Variants in AKAP6 observed in about 807,000 individuals in gnomAD.
AKAP6 encodes A-kinase anchoring protein 6.
AKAP6 carries 58 observed loss-of-function variants against 188.5 expected under a neutral mutation model. That is an observed-to-expected ratio of 0.31 (90% CI 0.25 to 0.38). AKAP6 has a LOEUF of 0.38. Among genes scored for constraint, AKAP6 ranks in the 10% least tolerant of loss-of-function variants. The pLI is 1.00. For missense variants in AKAP6, 2,710 were observed against 2,740.0 expected (o/e 0.99, Z 0.24); for synonymous variants, 989 against 998.6 (o/e 0.99, Z 0.18).
chr14:32,721,677 A>G (rs1180328545), intron 9 of AKAP6, among the ~76,000 whole-genome samples: 1 of 152,102 alleles, frequency 6.6e-6, no homozygotes, highest in Non-Finnish European at 1.5e-5. Flanking sequence ...TCTTTGCTCC[A>G]TTGTTGTTCT....
intron 7 of AKAP6, among the ~76,000 whole-genome samples, chr14:32,609,650 A>T (rs927633950): frequency 3.3e-5 from 5 of 152,146 alleles, no homozygotes; most frequent in Admixed American, 2.0e-4. Flanking sequence ...AGAGGGAAAA[A>T]AGGAAGCCTA....
At chr14:32,757,007 G>T (rs952400354) in intron 11 of AKAP6, among the ~76,000 whole-genome samples, 1 of 152,084 alleles carries the variant, frequency 6.6e-6, no homozygotes, top group Non-Finnish European at 1.5e-5. Context: ...TGGTGCCTGG[G>T]GTTGTAGGGG....
At chr14:32,426,626 T>G (rs530351578) in intron 1 of AKAP6, among the ~76,000 whole-genome samples, 1 of 152,278 alleles carries the variant, frequency 6.6e-6, no homozygotes, top group East Asian at 1.9e-4. Context: ...TTTTAGCAAC[T>G]TGGGATGAGG....
intron 4 of AKAP6, among the ~76,000 whole-genome samples, chr14:32,569,181 C>A (rs1346838648): frequency 6.6e-6 from 1 of 152,104 alleles, no homozygotes; most frequent in Non-Finnish European, 1.5e-5. Flanking sequence ...CCATTCCATG[C>A]CATTTTGCTC....
intron 1 of AKAP6, among the ~76,000 whole-genome samples, chr14:32,359,141 A>T (rs1421129973): frequency 6.6e-6 from 1 of 152,198 alleles, no homozygotes; most frequent in Non-Finnish European, 1.5e-5. Flanking sequence ...AACAACTCTA[A>T]AATAAAGTAG....
intron 13 of AKAP6, among the ~76,000 whole-genome samples, chr14:32,829,546 A>C (rs897684222): frequency 1.3e-5 from 2 of 152,164 alleles, no homozygotes; most frequent in Non-Finnish European, 2.9e-5. Context: ...CACAGGCAAA[A>C]GAGTGGATGA....
rs563670986 is a variant in AKAP6 at position 32,685,172 on chromosome 14, G to A, written c.2879+6713G>A. On this transcript the variant is annotated intron_variant, in intron 8 of 13. Coordinates refer to ENST00000280979, the MANE Select transcript of AKAP6 (RefSeq NM_004274.5). ...CCAGCCACCTAGGAGGTTGAGGCAG[G>A]AGGATTGCTTGAGCCCAGGAGGTTG... Among the ~76,000 whole-genome samples, 17 of 152,270 alleles carry A rather than the reference G, an allele frequency of 1.1e-4. No homozygotes were observed. In the East Asian group the frequency reaches 3.3e-3, roughly 29 times the overall value.
At chr14:32,578,602 A>G (rs76530024) in intron 5 of AKAP6, among the ~76,000 whole-genome samples, 1,677 of 152,308 alleles carry the variant, frequency 0.011, 38 homozygotes, top group African/African-American at 0.039. Flanking sequence ...TCAACTTTTC[A>G]CTGGCATTGT....
At chr14:32,573,580 AC>A (rs1884587463) in intron 4 of AKAP6, among the ~76,000 whole-genome samples, 1 of 152,184 alleles carries the variant, frequency 6.6e-6, no homozygotes, top group Non-Finnish European at 1.5e-5. Context: ...AATTTTTGCC[AC>A]AATGATATTT....
chr14:32,355,283 G>A (rs1405434621), intron 1 of AKAP6, among the ~76,000 whole-genome samples: 1 of 152,066 alleles, frequency 6.6e-6, no homozygotes, highest in Non-Finnish European at 1.5e-5. Context: ...GAAATTTTCT[G>A]TTGTTGTATG....
intron 2 of AKAP6, among the ~76,000 whole-genome samples, chr14:32,529,380 T>A (rs577547919): frequency 6.6e-6 from 1 of 152,324 alleles, no homozygotes; most frequent in Non-Finnish European, 1.5e-5. Context: ...TTTTCCATCC[T>A]GTCAGATTTT....
chr14:32,494,361 G>C (rs1256340305), intron 2 of AKAP6: 1 of 152,158 alleles, frequency 6.6e-6, no homozygotes, highest in African/African-American at 2.4e-5. Context: ...TGCTGGCATG[G>C]AGGAACTCAC....
chr14:32,528,885 C>T (rs1460022748), intron 2 of AKAP6, among the ~76,000 whole-genome samples: 3 of 152,046 alleles, frequency 2.0e-5, no homozygotes, highest in Non-Finnish European at 2.9e-5. Flanking sequence ...ACCATGTTGG[C>T]CAGGCTTGTC....
At chr14:32,662,097 A>G in intron 7 of AKAP6, among the ~76,000 whole-genome samples, 1 of 152,128 alleles carries the variant, frequency 6.6e-6, no homozygotes, top group East Asian at 1.9e-4. Flanking sequence ...ATACTCTTGC[A>G]AATAAAAGGA....
chr14:32,399,788 A>C (rs1400854810), intron 1 of AKAP6, among the ~76,000 whole-genome samples: 1 of 151,966 alleles, frequency 6.6e-6, no homozygotes, highest in African/African-American at 2.4e-5. Flanking sequence ...CTCGTTTTTA[A>C]TTCCCTTTTA....
At chr14:32,797,137 G>A (rs540083345) in intron 12 of AKAP6, among the ~76,000 whole-genome samples, 32 of 152,314 alleles carry the variant, frequency 2.1e-4, no homozygotes, top group African/African-American at 7.2e-4. Flanking sequence ...ACAGATGCTG[G>A]CAAGGTTGCA....
intron 1 of AKAP6, among the ~76,000 whole-genome samples, chr14:32,354,725 A>G (rs1383459634): frequency 6.6e-6 from 1 of 152,138 alleles, no homozygotes; most frequent in Non-Finnish European, 1.5e-5. Context: ...TCTCTGCCTT[A>G]CTTTAAGTCA....
At chr14:32,346,564 G>A (rs1362350124) in intron 1 of AKAP6, among the ~76,000 whole-genome samples, 2 of 152,116 alleles carry the variant, frequency 1.3e-5, no homozygotes, top group Non-Finnish European at 2.9e-5. Flanking sequence ...GCCGAACTGC[G>A]GTGGTGCTAT....
intron 11 of AKAP6, among the ~76,000 whole-genome samples, chr14:32,766,250 C>T (rs1394577486): frequency 2.6e-5 from 4 of 151,826 alleles, no homozygotes; most frequent in African/African-American, 9.7e-5. Flanking sequence ...TTTTTTAATC[C>T]ACTCACAGTT....
Sources: gnomAD v4.1 joint callset for allele counts (sites outside exome capture counted in the v4.1 genomes callset) on GRCh38, gnomAD v4.1.1 for gene constraint, MANE v1.5 for transcripts, NCBI Gene and HGNC (gene_info 2026-07-23, HGNC 2026-07-21) for gene names.